The following METTL25 variants were observed in gnomAD, a reference collection of about 807,000 sequenced individuals.
METTL25 encodes methyltransferase like 25.
Under a neutral mutation model 71.6 loss-of-function variants are expected in METTL25, and 64 were observed. The ratio of observed to expected loss-of-function variants is 0.89; its 90% CI spans 0.73 to 1.10. The LOEUF (loss-of-function observed/expected upper bound fraction) is 1.10, where lower values mean the gene tolerates loss of function less well. Among genes scored for constraint, METTL25 ranks in the 50% least tolerant of loss-of-function variants. The pLI is 0.00. For missense variants in METTL25, 807 were observed against 707.0 expected, an observed-to-expected ratio of 1.14 and a Z score of -1.60; for synonymous variants, 287 against 250.3, an observed-to-expected ratio of 1.15 and a Z score of -1.38.
intron 11 of METTL25, 118 bp downstream of exon 11, chr12:82,477,470 T>C (rs981637321): frequency 3.0e-5 from 14 of 469,470 alleles, no homozygotes; most frequent in African/African-American, 1.8e-4. Flanking sequence ...TTTTTCTCAT[T>C]ATATTTTCAT....
intron 5 of METTL25, among the ~76,000 whole-genome samples, chr12:82,424,400 G>C (rs944491513): frequency 4.9e-4 from 75 of 152,040 alleles, no homozygotes; most frequent in Non-Finnish European, 9.4e-4. Context: ...GTGGGGGAAG[G>C]GGGGAGGGAT....
intron 5 of METTL25, among the ~76,000 whole-genome samples, chr12:82,404,000 A>C (rs192326230): frequency 6.6e-6 from 1 of 152,266 alleles, no homozygotes; most frequent in African/African-American, 2.4e-5. Context: ...CCAGATTAAT[A>C]TATTTTAATT....
At chr12:82,402,014 A>G (rs1426443686) in intron 4 of METTL25, among the ~76,000 whole-genome samples, 2 of 152,048 alleles carry the variant, frequency 1.3e-5, no homozygotes, top group African/African-American at 4.8e-5. Flanking sequence ...CAAAGACAGA[A>G]GAGTATTATT....
At chr12:82,394,550 A>G (rs772492877) in intron 3 of METTL25, among the ~76,000 whole-genome samples, 5 of 152,052 alleles carry the variant, frequency 3.3e-5, no homozygotes, top group Admixed American at 1.3e-4. Flanking sequence ...TCATTCATTT[A>G]GCAAATATTT....
intron 5 of METTL25, among the ~76,000 whole-genome samples, chr12:82,416,100 C>T (rs1887961804): frequency 6.6e-6 from 1 of 152,058 alleles, no homozygotes; most frequent in African/African-American, 2.4e-5. Flanking sequence ...AGTAGGGGCT[C>T]AGTCCATATT....
At chr12:82,430,770 T>A in intron 5 of METTL25, 123 bp from the exon 6 acceptor site, 2 of 545,768 alleles carry the variant, frequency 3.7e-6, no homozygotes, top group South Asian at 5.6e-5. Context: ...ACATCACCAT[T>A]TCCATGTTTA....
At position 82,403,119 on chromosome 12, in the gene METTL25, A is replaced by C. The variant is rs1312680638; in HGVS notation, c.1268A>C (p.Asn423Thr). 6.2e-7 allele frequency: 1 copy of C among 1,611,662 alleles called. No homozygotes were observed. Among genetic ancestry groups the C allele is most frequent in the Admixed American group, 1.7e-5 (1 of 59,588 alleles). The change falls in exon 5 of 12, where the codon AAC (asparagine) becomes ACC (threonine). Residue 423 changes from asparagine to threonine, a missense_variant. Coordinates refer to ENST00000248306, the MANE Select transcript of METTL25 (RefSeq NM_032230.3). ...CYHLLSEEFE[N>T]QHKERTQEKW... ...CACCTCTTATCTGAAGAATTTGAAA[A>C]CCAGCATAAAGGTACAAGTTCCCCA...
At chr12:82,389,790 G>A (rs780966087) in intron 2 of METTL25, 26 bp from the exon 3 acceptor site, 18 of 1,325,998 alleles carry the variant, frequency 1.4e-5, no homozygotes, top group Middle Eastern at 3.7e-4. Context: ...TTCTTTAATA[G>A]CAGTTTTTAC....
At chr12:82,405,377 G>T (rs1363031295) in intron 5 of METTL25, among the ~76,000 whole-genome samples, 1 of 151,910 alleles carries the variant, frequency 6.6e-6, no homozygotes, top group African/African-American at 2.4e-5. Context: ...TTTATCTCTT[G>T]CCTGTTTTTT....
intron 5 of METTL25, among the ~76,000 whole-genome samples, chr12:82,418,246 G>GA (rs1353221164): frequency 6.6e-6 from 1 of 152,140 alleles, no homozygotes; most frequent in Non-Finnish European, 1.5e-5. Flanking sequence ...TATAACTGCA[G>GA]AAAGGGCAGA....
intron 9 of METTL25, among the ~76,000 whole-genome samples, chr12:82,457,672 C>G (rs970636018): frequency 6.6e-6 from 1 of 151,964 alleles, no homozygotes; most frequent in African/African-American, 2.4e-5. Flanking sequence ...ACATAAAGCT[C>G]TTAACGCAGT....
In METTL25 at chr12:82,449,738, A is replaced by G. The variant is rs190164862; in HGVS notation, c.1479-6989A>G. 1.8e-4 allele frequency among the ~76,000 whole-genome samples: 28 copies of G among 151,988 alleles called. No homozygotes were observed. The East Asian group carries it at 5.4e-3, about 29-fold the overall frequency. ...CTACCTTCTGAGCTCCTTGATGACCATTTTTTCAGTTTTATTAAATGAAAT... is the reference window on the plus strand; with the variant it reads ...CTACCTTCTGAGCTCCTTGATGACCGTTTTTTCAGTTTTATTAAATGAAAT... On this transcript the variant is annotated intron_variant, in intron 8 of 11. Coordinates refer to ENST00000248306, the MANE Select transcript of METTL25 (RefSeq NM_032230.3).
chr12:82,437,219 A>G (rs1341109857), intron 7 of METTL25, among the ~76,000 whole-genome samples: 1 of 151,716 alleles, frequency 6.6e-6, no homozygotes, highest in Admixed American at 6.6e-5. Flanking sequence ...AAATTTGGAA[A>G]GAGATTTTAT....
At chr12:82,451,420 T>C in intron 8 of METTL25, 1 of 225,796 alleles carries the variant, frequency 4.4e-6, no homozygotes, top group Non-Finnish European at 7.4e-6. Flanking sequence ...TCTTTTTGCC[T>C]AAGTTTTCCC....
intron 1 of METTL25, 86 bp from the exon 2 acceptor site, chr12:82,386,717 A>T: frequency 9.2e-7 from 1 of 1,084,552 alleles, no homozygotes; most frequent in Non-Finnish European, 1.3e-6. Context: ...TGTTATACAA[A>T]TTAAGTGTTC....
In METTL25 at chr12:82,414,072, A is replaced by G. The variant is rs1220831247; in HGVS notation, c.1279+10942A>G. Among the ~76,000 whole-genome samples the G allele has an allele frequency of 7.2e-5, 11 of 152,200 alleles. No individual in the cohort carries two copies. The East Asian group carries it at 1.7e-3, about 24-fold the overall frequency. On this transcript the variant is annotated intron_variant, in intron 5 of 11. Transcript: ENST00000248306. ...ATTCAGTGAGGAACTATCAGGATCT[A>G]TCTCGGCTTGAATTAAGTTTCTGGT...
chr12:82,376,551 G>T (rs1175916215), intron 1 of METTL25, among the ~76,000 whole-genome samples: 1 of 152,140 alleles, frequency 6.6e-6, no homozygotes, highest in Non-Finnish European at 1.5e-5. Flanking sequence ...TTCACCACAA[G>T]TGGCTCTATC....
At chr12:82,370,277 G>T (rs1426790261) in intron 1 of METTL25, among the ~76,000 whole-genome samples, 3 of 152,158 alleles carry the variant, frequency 2.0e-5, no homozygotes, top group Non-Finnish European at 2.9e-5. Context: ...GTAACTTGAT[G>T]GCCTCGATCC....
intron 9 of METTL25, among the ~76,000 whole-genome samples, chr12:82,465,042 T>C (rs1206705481): frequency 6.6e-6 from 1 of 151,974 alleles, no homozygotes; most frequent in African/African-American, 2.4e-5. Context: ...GATCATGTCA[T>C]CTGGAAAGAG....
Sources: allele counts gnomAD v4.1 joint callset (sites outside exome capture counted in the v4.1 genomes callset), GRCh38; gene constraint gnomAD v4.1.1; transcripts MANE v1.5; gene names NCBI Gene and HGNC (gene_info 2026-07-23, HGNC 2026-07-21).